ANKRD45: variants seen among roughly 807,000 people sequenced by gnomAD.
The protein encoded by ANKRD45 is ankyrin repeat domain-containing protein 45.
In ANKRD45, 21 loss-of-function variants were observed where a neutral mutation model predicts 28.1. That is an observed-to-expected ratio of 0.75 (90% CI 0.53 to 1.08). The LOEUF (loss-of-function observed/expected upper bound fraction) is 1.08, where lower values mean the gene tolerates loss of function less well. Ranked by LOEUF, ANKRD45 falls within the 50% of genes least tolerant of loss-of-function variation. The pLI, the probability that ANKRD45 is intolerant of heterozygous loss-of-function variation, is 0.00. For synonymous variants in ANKRD45, 86 were observed against 103.9 expected (o/e 0.83, Z 1.05); for missense variants, 261 against 308.7 (o/e 0.85, Z 1.16).
At chr1:173,707,617 G>A in the ANKRD45 span, among the ~76,000 whole-genome samples, 1 of 152,152 alleles carries the variant, frequency 6.6e-6, no homozygotes, top group African/African-American at 2.4e-5. Flanking sequence ...ACAGGCATGA[G>A]CCACCACGCC....
At chr1:173,657,543 C>T (rs1380152657) in intron 2 of ANKRD45, 2 of 151,756 alleles carry the variant, frequency 1.3e-5, no homozygotes, top group African/African-American at 4.9e-5. Flanking sequence ...TGTTTTTCAA[C>T]TCATTTTCAG....
the ANKRD45 span, among the ~76,000 whole-genome samples, chr1:173,682,684 TACACACACACAC>T: frequency 5.6e-5 from 8 of 144,034 alleles, no homozygotes; most frequent in East Asian, 4.0e-4. Flanking sequence ...GCCTTTTAAA[TACACACACACAC>T]ACACACACAC....
intron 3 of ANKRD45, among the ~76,000 whole-genome samples, chr1:173,630,974 T>C (rs577576278): frequency 5.0e-4 from 76 of 151,814 alleles, no homozygotes; most frequent in African/African-American, 1.7e-3. Context: ...TCCTTACTTA[T>C]CAATAATAAC....
chr1:173,654,370 G>A (rs1011923998), intron 2 of ANKRD45, among the ~76,000 whole-genome samples: 6 of 152,130 alleles, frequency 3.9e-5, no homozygotes, highest in South Asian at 2.1e-4. Context: ...TAGTTTGGCT[G>A]GATATGTAAT....
At chr1:173,702,763 C>G in the ANKRD45 span, among the ~76,000 whole-genome samples, 2 of 147,314 alleles carry the variant, frequency 1.4e-5, no homozygotes, top group African/African-American at 5.0e-5. Flanking sequence ...ACTTTCTTGC[C>G]GAGGCTGAAA....
At chr1:173,669,399 A>C (rs1164337096) in intron 1 of ANKRD45, 2 of 118,356 alleles carry the variant, frequency 1.7e-5, no homozygotes, top group South Asian at 1.5e-4. Flanking sequence ...TTTTTTCTTC[A>C]AAAAAAAAAA....
chr1:173,668,276 G>T (rs148216943), intron 1 of ANKRD45, among the ~76,000 whole-genome samples: 64 of 152,330 alleles, frequency 4.2e-4, no homozygotes, highest in Admixed American at 1.3e-3. Context: ...AGCAGGGCAA[G>T]GAGGCTTTGC....
At chr1:173,682,722 C>CACAT in the ANKRD45 span, among the ~76,000 whole-genome samples, 1 of 148,694 alleles carries the variant, frequency 6.7e-6, no homozygotes, top group East Asian at 2.0e-4. Context: ...CACACACACA[C>CACAT]ATCTTGGATG....
At chr1:173,667,492 A>G (rs1670072881) in intron 1 of ANKRD45, among the ~76,000 whole-genome samples, 1 of 152,134 alleles carries the variant, frequency 6.6e-6, no homozygotes, top group Non-Finnish European at 1.5e-5. Context: ...TCACAAGGTC[A>G]GGAGTTCAAG....
intron 1 of ANKRD45, among the ~76,000 whole-genome samples, chr1:173,662,144 T>C (rs1669804602): frequency 6.6e-6 from 1 of 152,156 alleles, no homozygotes; most frequent in East Asian, 1.9e-4. Context: ...AATGAATGGG[T>C]GTGGCTGTGT....
chr1:173,648,654 G>T (rs1669039629), intron 2 of ANKRD45, among the ~76,000 whole-genome samples: 1 of 152,142 alleles, frequency 6.6e-6, no homozygotes, highest in African/African-American at 2.4e-5. Context: ...TGAAGAAATA[G>T]AATATTTTAG....
At chr1:173,690,062 GCCCC>G in the ANKRD45 span, among the ~76,000 whole-genome samples, 11 of 52,866 alleles carry the variant, frequency 2.1e-4, no homozygotes, top group African/African-American at 5.1e-4. Context: ...CCTGCCCCCC[GCCCC>G]CCCCCCCCCC....
intron 5 of ANKRD45, among the ~76,000 whole-genome samples, chr1:173,613,808 G>A (rs1667339498): frequency 6.6e-6 from 1 of 152,236 alleles, no homozygotes; most frequent in African/African-American, 2.4e-5. Context: ...GATGACGATG[G>A]CGGTTTTGTG....
the ANKRD45 span, among the ~76,000 whole-genome samples, chr1:173,702,894 T>A: frequency 2.0e-5 from 3 of 151,910 alleles, no homozygotes; most frequent in East Asian, 5.8e-4. Context: ...CCTGGCTAAT[T>A]TTTTTATTTC....
At chr1:173,692,262 C>G in the ANKRD45 span, among the ~76,000 whole-genome samples, 1 of 152,114 alleles carries the variant, frequency 6.6e-6, no homozygotes, top group African/African-American at 2.4e-5. Context: ...GGTCAGAGCA[C>G]AGTTTGGTTT....
chr1:173,682,173 T>C, the ANKRD45 span, among the ~76,000 whole-genome samples: 1 of 152,156 alleles, frequency 6.6e-6, no homozygotes, highest in African/African-American at 2.4e-5. Context: ...ATCTCTGAGC[T>C]CTGGGCTGAG....
At chr1:173,652,973 T>C (rs565150478) in intron 2 of ANKRD45, among the ~76,000 whole-genome samples, 1 of 152,310 alleles carries the variant, frequency 6.6e-6, no homozygotes, top group African/African-American at 2.4e-5. Flanking sequence ...TGTGTCTATT[T>C]GATTCTTCTC....
intron 5 of ANKRD45, among the ~76,000 whole-genome samples, chr1:173,616,237 C>T (rs998574297): frequency 3.0e-4 from 45 of 152,028 alleles, no homozygotes; most frequent in Admixed American, 6.5e-4. Flanking sequence ...GAGGCCACCA[C>T]GAAAGGCAAC....
intron 2 of ANKRD45, among the ~76,000 whole-genome samples, chr1:173,652,535 A>C (rs1252109206): frequency 3.3e-5 from 5 of 152,204 alleles, no homozygotes; most frequent in Non-Finnish European, 7.3e-5. Flanking sequence ...GATGTTCATC[A>C]GGGATATTGG....
Sources: allele counts gnomAD v4.1 joint callset (sites outside exome capture counted in the v4.1 genomes callset), GRCh38; gene constraint gnomAD v4.1.1; transcripts MANE v1.5; gene names NCBI Gene and HGNC (gene_info 2026-07-23, HGNC 2026-07-21).